SATB2: variants seen among roughly 807,000 people sequenced by gnomAD.
The protein encoded by SATB2 is DNA-binding protein SATB2.
SATB2 carries 1 observed loss-of-function variant against 73.4 expected under a neutral mutation model. The ratio of observed to expected loss-of-function variants is 0.01; its 90% CI spans 0.00 to 0.06. SATB2 has a LOEUF of 0.06. Among genes scored for constraint, SATB2 ranks in the 10% least tolerant of loss-of-function variants. SATB2 has a pLI of 1.00. For missense variants in SATB2, 459 were observed against 945.8 expected (o/e 0.49, Z 6.75); for synonymous variants, 397 against 367.0 (o/e 1.08, Z -0.93).
chr2:199,418,624 A>G (rs888602883), intron 3 of SATB2, among the ~76,000 whole-genome samples: 3 of 152,152 alleles, frequency 2.0e-5, no homozygotes, highest in African/African-American at 7.2e-5. Flanking sequence ...TTTTTGAACA[A>G]TTCGATTTGT....
intron 9 of SATB2, among the ~76,000 whole-genome samples, chr2:199,315,241 A>T (rs1014459228): frequency 6.6e-6 from 1 of 152,036 alleles, no homozygotes; most frequent in Non-Finnish European, 1.5e-5. Flanking sequence ...GCTCTCTTCA[A>T]TTGAAAATGA....
intron 7 of SATB2, chr2:199,347,655 T>G (rs1325766989): frequency 1.3e-5 from 2 of 152,202 alleles, no homozygotes; most frequent in African/African-American, 4.8e-5. Flanking sequence ...GCTTACCATA[T>G]TCATTCTCCT....
rs1218464528 is a variant in SATB2, at chr2:199,271,458, T to G, written c.*753A>C. On this transcript the variant is annotated 3_prime_UTR_variant, in exon 11 of 11. Transcript: ENST00000417098. The stretch of plus-strand genomic sequence containing the variant: ...TTGTATCATTTTAATGTGCCCTGAT[T>G]GTTTTCACTTCACTTTTTTTTTTTT... 2.0e-5 allele frequency: 3 copies of G among 152,648 alleles called. No homozygotes were observed. Among genetic ancestry groups the G allele is most frequent in the African/African-American group, 7.2e-5 (3 of 41,416 alleles). 9.5% of individuals were successfully genotyped at this position (152,648 alleles called of 1,614,324 possible).
At chr2:199,440,661 C>T (rs967826330) in intron 2 of SATB2, among the ~76,000 whole-genome samples, 2 of 152,106 alleles carry the variant, frequency 1.3e-5, no homozygotes, top group African/African-American at 4.8e-5. Flanking sequence ...CCTCCCTGTC[C>T]TTTGCTTGTA....
At position 199,323,684 on chromosome 2, in the gene SATB2, A is replaced by G; in HGVS notation, c.1542+119T>C. 2.6e-6 allele frequency: 3 copies of G among 1,132,084 alleles called. No individual in the cohort carries two copies. The South Asian group carries it at 3.9e-5, about 15-fold the overall frequency. The allele number at this position is 1,132,084 out of a possible 1,614,324, so 70.1% of individuals were successfully genotyped here. A position where few individuals can be genotyped will look rare whatever the true frequency, so the allele number is the denominator to read the frequency against. On this transcript the variant is annotated intron_variant, in intron 9 of 10. Coordinates refer to ENST00000417098, the MANE Select transcript of SATB2 (RefSeq NM_001172509.2). The stretch of plus-strand genomic sequence containing the variant: ...ACTAGAGTAAAAGGCAGAACATGAC[A>G]GGTTTCTTGGGGGTTATTACTGTTA...
intron 10 of SATB2, among the ~76,000 whole-genome samples, chr2:199,301,246 T>C (rs968701605): frequency 2.6e-5 from 4 of 152,150 alleles, no homozygotes; most frequent in African/African-American, 7.2e-5. Context: ...GGTTTCCTAC[T>C]ACTTGCATGC....
intron 6 of SATB2, among the ~76,000 whole-genome samples, chr2:199,368,184 C>A (rs1689342839): frequency 6.6e-6 from 1 of 152,018 alleles, no homozygotes; most frequent in South Asian, 2.1e-4. Context: ...GAATGCAGAG[C>A]CCGTGTTTTC....
At chr2:199,314,261 A>G (rs879591634) in intron 9 of SATB2, among the ~76,000 whole-genome samples, 4 of 151,348 alleles carry the variant, frequency 2.6e-5, no homozygotes, top group African/African-American at 7.2e-5. Flanking sequence ...TAGCTTCTCA[A>G]TAAATAGTCA....
intron 6 of SATB2, among the ~76,000 whole-genome samples, chr2:199,363,371 T>C (rs1237886943): frequency 6.6e-6 from 1 of 152,222 alleles, no homozygotes; most frequent in African/African-American, 2.4e-5. Flanking sequence ...GAGAACGTTG[T>C]GCTAAGTGAA....
chr2:199,337,366 C>T (rs1178986666), intron 7 of SATB2, among the ~76,000 whole-genome samples: 2 of 152,176 alleles, frequency 1.3e-5, no homozygotes, highest in Non-Finnish European at 2.9e-5. Context: ...CAGCTTTAAT[C>T]TGTATCACTG....
rs545210839 is a variant in SATB2, at chr2:199,397,180, C to T, written c.347-15360G>A. 3.9e-5 allele frequency among the ~76,000 whole-genome samples: 6 copies of T among 152,102 alleles called. No homozygotes were observed. In the East Asian group the frequency reaches 9.7e-4, roughly 24 times the overall value. On this transcript the variant is annotated intron_variant, in intron 3 of 10. Transcript: ENST00000417098. ...AGTGTTTTTATGTTTTGTGAAGATACGCTACACAGAAATATACCTTGAATT... is the reference window on the plus strand; with the variant it reads ...AGTGTTTTTATGTTTTGTGAAGATATGCTACACAGAAATATACCTTGAATT...
chr2:199,346,727 C>G (rs1237696439), intron 7 of SATB2: 1 of 152,128 alleles, frequency 6.6e-6, no homozygotes, highest in Non-Finnish European at 1.5e-5. Context: ...CAATGAACCA[C>G]TGATAAACAT....
chr2:199,312,547 G>C (rs76923583), intron 9 of SATB2, among the ~76,000 whole-genome samples: 1 of 152,054 alleles, frequency 6.6e-6, no homozygotes. Context: ...GTGACCTTTG[G>C]GCAAATAGTT....
At chr2:199,377,496 A>G (rs1689639824) in intron 5 of SATB2, among the ~76,000 whole-genome samples, 1 of 152,212 alleles carries the variant, frequency 6.6e-6, no homozygotes, top group East Asian at 1.9e-4. Flanking sequence ...TTAATGCCAC[A>G]CTAGTTAGGT....
intron 3 of SATB2, among the ~76,000 whole-genome samples, chr2:199,426,692 C>CAAAAAA (rs200293007): frequency 2.0e-4 from 25 of 128,176 alleles, no homozygotes; most frequent in African/African-American, 6.3e-4. Context: ...CATTCTCTCT[C>CAAAAAA]AAAAAAAAAA....
rs148067631 is a variant in SATB2, at chr2:199,300,496, T to C, written c.1740+8264A>G. Among the ~76,000 whole-genome samples the C allele has an allele frequency of 7.1e-3, 1,087 of 152,142 alleles. 6 individuals are homozygous for C. The highest frequency in any genetic ancestry group is 0.012 in the Non-Finnish European group (794 of 68,000). On this transcript the variant is annotated intron_variant, in intron 10 of 10. Coordinates refer to ENST00000417098, the MANE Select transcript of SATB2 (RefSeq NM_001172509.2). The stretch of plus-strand genomic sequence containing the variant: ...GGAGTACTTTGCTATCCCAAAACTT[T>C]TAAAAAACTTTAAAAATCTCAATAT...
intron 3 of SATB2, among the ~76,000 whole-genome samples, chr2:199,397,367 T>A: frequency 6.6e-6 from 1 of 152,204 alleles, no homozygotes; most frequent in Non-Finnish European, 1.5e-5. Context: ...GCTCTTTATA[T>A]CCAAAGAATT....
chr2:199,376,028 C>G (rs1689594286), intron 5 of SATB2, among the ~76,000 whole-genome samples: 1 of 152,196 alleles, frequency 6.6e-6, no homozygotes, highest in South Asian at 2.1e-4. Context: ...GCGCTTATCT[C>G]CACACTAAAT....
chr2:199,279,975 T>C (rs1692433575), intron 10 of SATB2, among the ~76,000 whole-genome samples: 1 of 152,158 alleles, frequency 6.6e-6, no homozygotes, highest in Non-Finnish European at 1.5e-5. Flanking sequence ...ACCCTGTCTC[T>C]ACTAAAAATA....
Sources: allele counts gnomAD v4.1 joint callset (sites outside exome capture counted in the v4.1 genomes callset), GRCh38; gene constraint gnomAD v4.1.1; transcripts MANE v1.5; gene names NCBI Gene and HGNC (gene_info 2026-07-23, HGNC 2026-07-21).